The following CLDN14 variants were observed in gnomAD, a reference collection of about 807,000 sequenced individuals.
CLDN14 encodes the protein claudin 14, also known as claudin-14.
Under a neutral mutation model 2.1 loss-of-function variants are expected in CLDN14, and 2 were observed. The ratio of observed to expected loss-of-function variants is 0.96; its 90% CI spans 0.39 to 3.01. The LOEUF (loss-of-function observed/expected upper bound fraction) is 3.01. Among genes scored for constraint, CLDN14 ranks in the 30% most tolerant of loss-of-function variants. The probability of loss-of-function intolerance (pLI) is 0.09; values close to 1 mark genes in which losing one functional copy is unlikely to be tolerated. For missense variants in CLDN14, 298 were observed against 328.0 expected, an observed-to-expected ratio of 0.91 and a Z score of 0.71; for synonymous variants, 136 against 154.4, an observed-to-expected ratio of 0.88 and a Z score of 0.88.
At chr21:36,564,609 G>A (rs1015584767) in intron 1 of CLDN14, among the ~76,000 whole-genome samples, 1 of 152,144 alleles carries the variant, frequency 6.6e-6, no homozygotes, top group South Asian at 2.1e-4. Flanking sequence ...CTCAGGTGAT[G>A]TGTATGGCTG....
intron 2 of CLDN14, among the ~76,000 whole-genome samples, chr21:36,493,652 A>C (rs953653356): frequency 6.6e-6 from 1 of 152,026 alleles, no homozygotes; most frequent in Non-Finnish European, 1.5e-5. Flanking sequence ...GCGGCCGCAC[A>C]CTTGTCATAG....
chr21:36,556,131 G>A lies in CLDN14; in HGVS notation c.-220+20280C>T, dbSNP rs376986544. Among the ~76,000 whole-genome samples, 9 of 152,152 alleles carry A rather than the reference G, an allele frequency of 5.9e-5. No individual in the cohort carries two copies. The East Asian group carries it at 7.7e-4, about 13-fold the overall frequency. On this transcript the variant is annotated intron_variant, in intron 1 of 2. Transcript: ENST00000342108. Reference sequence around the variant, plus strand: ...TGAGAGCTGCCCCACAGCTCACCTCGGGGACCCTTTCTTCTTCCAGTTTGC... The same window carrying A: ...TGAGAGCTGCCCCACAGCTCACCTCAGGGACCCTTTCTTCTTCCAGTTTGC...
chr21:36,570,884 C>T (rs2087704898), intron 1 of CLDN14, among the ~76,000 whole-genome samples: 1 of 152,204 alleles, frequency 6.6e-6, no homozygotes, highest in South Asian at 2.1e-4. Context: ...CTCTGTTGCC[C>T]AGGCTGGAGT....
chr21:36,461,916 C>A (rs963192956), intron 1 of CLDN14, 140 bp from the exon 2 acceptor site: 1 of 623,624 alleles, frequency 1.6e-6, no homozygotes, highest in African/African-American at 1.8e-5. Flanking sequence ...AAAATAGTTT[C>A]TGAGACTTCA....
rs758566130 is a variant in CLDN14, at chr21:36,460,929, G to A, written c.*47C>T. On this transcript the variant is annotated 3_prime_UTR_variant, in exon 2 of 2. Transcript: ENST00000399135. The surrounding 1 kb of genome is among the most constrained non-coding windows in gnomAD (Gnocchi z 4.0). ...CCCTGCCTCCATTGACAGTCCCGCC[G>A]GGGACCCAGCCCACAGCAGCCCAGG... 3.1e-5 allele frequency: 49 copies of A among 1,595,232 alleles called. No homozygotes were observed. The highest frequency in any genetic ancestry group is 5.6e-5 in the South Asian group (5 of 89,300).
intron 1 of CLDN14, among the ~76,000 whole-genome samples, chr21:36,543,944 G>A (rs2087510049): frequency 6.6e-6 from 1 of 152,230 alleles, no homozygotes. Flanking sequence ...CATGATGATA[G>A]GGACTGTTTA....
chr21:36,524,725 C>T (rs761096216), intron 1 of CLDN14, among the ~76,000 whole-genome samples: 19 of 152,214 alleles, frequency 1.2e-4, no homozygotes, highest in Admixed American at 2.6e-4. Flanking sequence ...CCACTGGCCA[C>T]TTCCCAGCAG....
intron 1 of CLDN14, among the ~76,000 whole-genome samples, chr21:36,463,733 GAAATA>G (rs1030402469): frequency 5.3e-5 from 8 of 151,668 alleles, no homozygotes; most frequent in Non-Finnish European, 7.4e-5. Context: ...AAAATAAAAT[GAAATA>G]AAATAAATCA....
intron 1 of CLDN14, among the ~76,000 whole-genome samples, chr21:36,572,217 A>G (rs990762775): frequency 3.9e-5 from 6 of 152,106 alleles, no homozygotes; most frequent in African/African-American, 1.4e-4. Flanking sequence ...AGGGGTCGCT[A>G]TGTAATTCCA....
intron 1 of CLDN14, among the ~76,000 whole-genome samples, chr21:36,571,002 C>T (rs992268565): frequency 2.0e-5 from 3 of 152,090 alleles, no homozygotes; most frequent in South Asian, 2.1e-4. Flanking sequence ...CCACCACGCC[C>T]GGCTGATTTT....
intron 1 of CLDN14, among the ~76,000 whole-genome samples, chr21:36,561,312 G>A (rs550229527): frequency 2.0e-5 from 3 of 152,368 alleles, no homozygotes; most frequent in African/African-American, 7.2e-5. Context: ...CCCCACTGGG[G>A]TGGGCAGCCA....
chr21:36,485,687 C>T (rs945118784), intron 2 of CLDN14, among the ~76,000 whole-genome samples: 5 of 152,074 alleles, frequency 3.3e-5, no homozygotes, highest in East Asian at 3.9e-4. Context: ...TTTTCTGTCT[C>T]GGGACACCCT....
chr21:36,502,737 T>C (rs1187977802), intron 2 of CLDN14, among the ~76,000 whole-genome samples: 1 of 152,246 alleles, frequency 6.6e-6, no homozygotes, highest in Non-Finnish European at 1.5e-5. Context: ...CTTTAATAGA[T>C]AGGGTTTCTT....
intron 2 of CLDN14, chr21:36,486,911 T>G (rs995849645): frequency 3.2e-6 from 2 of 627,246 alleles, no homozygotes; most frequent in African/African-American, 3.7e-5. Context: ...AGAGTGAGTG[T>G]GGTCAGCACT....
At chr21:36,550,243 G>A (rs2087553939) in intron 1 of CLDN14, among the ~76,000 whole-genome samples, 1 of 152,072 alleles carries the variant, frequency 6.6e-6, no homozygotes, top group Admixed American at 6.5e-5. Flanking sequence ...CTTTAAGTTC[G>A]CTGCATTAAA....
At chr21:36,488,256 T>C (rs1310496958) in intron 2 of CLDN14, among the ~76,000 whole-genome samples, 1 of 149,392 alleles carries the variant, frequency 6.7e-6, no homozygotes, top group African/African-American at 2.5e-5. Context: ...CTTCCTTCCT[T>C]CCTTCCTTCC....
At chr21:36,472,948 A>C (rs2086729250) in intron 1 of CLDN14, among the ~76,000 whole-genome samples, 1 of 152,188 alleles carries the variant, frequency 6.6e-6, no homozygotes, top group East Asian at 1.9e-4. Context: ...GGGAGAATGC[A>C]AATGTTTAGT....
intron 1 of CLDN14, among the ~76,000 whole-genome samples, chr21:36,556,503 C>G (rs561446113): frequency 3.3e-5 from 5 of 152,258 alleles, no homozygotes; most frequent in Admixed American, 6.5e-5. Context: ...TCTGGCTCTG[C>G]CTCTGCCTTG....
intron 1 of CLDN14, among the ~76,000 whole-genome samples, chr21:36,517,092 A>G (rs9305587): frequency 0.82 from 124,676 of 151,794 alleles, 52,105 homozygotes; most frequent in Middle Eastern, 0.92. Context: ...CACCCACCTC[A>G]GCCTCCCAAA....
Sources: gnomAD v4.1 joint callset for allele counts (sites outside exome capture counted in the v4.1 genomes callset) on GRCh38, gnomAD v4.1.1 for gene constraint, Gnocchi (gnomAD v3.1) non-coding constraint, MANE v1.5 for transcripts, NCBI Gene and HGNC (gene_info 2026-07-23, HGNC 2026-07-21) for gene names.